Variants in PDGFRL observed in about 807,000 individuals in gnomAD.
PDGFRL encodes the protein platelet-derived growth factor receptor-like protein.
A neutral mutation model predicts 37.2 loss-of-function variants in PDGFRL; 46 were observed. The observed-to-expected ratio is 1.24, with a 90% CI of 0.98 to 1.58. The LOEUF is 1.58. PDGFRL is among the 40% of genes most tolerant of loss of function. The probability of loss-of-function intolerance (pLI) is 0.00; values close to 1 mark genes in which losing one functional copy is unlikely to be tolerated. For missense variants in PDGFRL, 692 were observed against 467.6 expected (o/e 1.48, Z -4.43); for synonymous variants, 251 against 184.3 (o/e 1.36, Z -2.93).
chr8:17,627,989 CTTTT>C (rs35707610), intron 3 of PDGFRL, among the ~76,000 whole-genome samples: 3 of 89,250 alleles, frequency 3.4e-5, no homozygotes, highest in African/African-American at 5.4e-5. Context: ...TTCTTTCTTT[CTTTT>C]TTTTTTTTTT....
intron 2 of PDGFRL, among the ~76,000 whole-genome samples, chr8:17,596,754 C>T (rs776227177): frequency 7.0e-6 from 1 of 143,202 alleles, no homozygotes. Flanking sequence ...ACTTATGAAA[C>T]ATTGTGAAAA....
At position 17,617,398 on chromosome 8, in the gene PDGFRL, G is replaced by A. The variant is rs372248583; in HGVS notation, c.354-3653G>A. Among the ~76,000 whole-genome samples the A allele has an allele frequency of 3.3e-5, 5 of 152,252 alleles. No homozygotes were observed. In the East Asian group the frequency reaches 7.7e-4, roughly 24 times the overall value. On this transcript the variant is annotated intron_variant, in intron 2 of 5. Transcript: ENST00000251630. ...GCCACTTTCTCCATCCCTGGGGATG[G>A]TGTTCAGCGGTTACACAGAAAGGAA...
intron 2 of PDGFRL, among the ~76,000 whole-genome samples, chr8:17,599,618 C>A (rs1236183830): frequency 6.6e-6 from 1 of 152,188 alleles, no homozygotes; most frequent in Non-Finnish European, 1.5e-5. Flanking sequence ...CGCCACGTGG[C>A]CGTGGCTGCC....
intron 2 of PDGFRL, among the ~76,000 whole-genome samples, chr8:17,614,516 C>T (rs1192843853): frequency 6.6e-6 from 1 of 152,198 alleles, no homozygotes; most frequent in Non-Finnish European, 1.5e-5. Context: ...CAGTTCCTTG[C>T]ATGTGGTAGA....
At chr8:17,628,293 C>T (rs569863321) in intron 3 of PDGFRL, among the ~76,000 whole-genome samples, 194 bp from the exon 4 acceptor site, 2 of 152,244 alleles carry the variant, frequency 1.3e-5, no homozygotes, top group African/African-American at 4.8e-5. Flanking sequence ...CGCGCCCAGC[C>T]TTCTGTTTTC....
At chr8:17,597,071 C>A (rs138467783) in intron 2 of PDGFRL, among the ~76,000 whole-genome samples, 1 of 152,078 alleles carries the variant, frequency 6.6e-6, no homozygotes, top group Non-Finnish European at 1.5e-5. Context: ...CCTAGGTTGG[C>A]GTGCAGTGGC....
intron 5 of PDGFRL, among the ~76,000 whole-genome samples, chr8:17,640,111 T>G (rs1465678018): frequency 6.6e-6 from 1 of 152,232 alleles, no homozygotes; most frequent in Non-Finnish European, 1.5e-5. Flanking sequence ...CTAAGTGTGT[T>G]CTTCATTTCC....
rs189465662 is a variant in PDGFRL, at chr8:17,610,701, G to A, written c.354-10350G>A. On this transcript the variant is annotated intron_variant, in intron 2 of 5. Coordinates refer to ENST00000251630, the MANE Select transcript of PDGFRL (RefSeq NM_001372073.1). ...CAAGGTGGCAGGATCCCTTGAGCTC[G>A]GGAGCTAAAGAGCAGCCTGGCCAGT... is the stretch of plus-strand genomic sequence containing the variant. Among the ~76,000 whole-genome samples, 761 of 152,232 alleles carry A rather than the reference G, an allele frequency of 5.0e-3. 12 individuals carry two copies. Among genetic ancestry groups the A allele is most frequent in the African/African-American group, 0.017 (702 of 41,548 alleles).
chr8:17,635,841 T>C (rs1355090733), intron 5 of PDGFRL, among the ~76,000 whole-genome samples: 1 of 152,216 alleles, frequency 6.6e-6, no homozygotes, highest in Non-Finnish European at 1.5e-5. Context: ...TGGTATCACA[T>C]TGTGGTTTTG....
chr8:17,617,259 T>C (rs1227846338), intron 2 of PDGFRL, among the ~76,000 whole-genome samples: 1 of 152,216 alleles, frequency 6.6e-6, no homozygotes, highest in African/African-American at 2.4e-5. Context: ...CAAGCTGATG[T>C]GTTGGCGTGT....
chr8:17,604,392 A>C (rs1164817175), intron 2 of PDGFRL, among the ~76,000 whole-genome samples: 2 of 152,230 alleles, frequency 1.3e-5, no homozygotes, highest in Non-Finnish European at 2.9e-5. Context: ...ACACCATGGA[A>C]TACTATGCAG....
rs373882614 is a variant in PDGFRL, at chr8:17,620,110, C to T, written c.354-941C>T. Among the ~76,000 whole-genome samples the T allele has an allele frequency of 1.6e-4, 24 of 152,218 alleles. 1 individual carries two copies. In the South Asian group the frequency reaches 2.3e-3, roughly 14 times the overall value. On this transcript the variant is annotated intron_variant, in intron 2 of 5. Transcript: ENST00000251630. ...ACCAAGTAGCTAGGACTACAGGAGT[C>T]AGCCATCATGCCAGGCTCATTGTTT...
chr8:17,596,323 G>T, intron 2 of PDGFRL: 1 of 1,232,266 alleles, frequency 8.1e-7, no homozygotes, highest in Non-Finnish European at 1.0e-6. Context: ...AGGCACATGG[G>T]CTGCACGTAA....
Position 17,642,947 on chromosome 8 carries a change from C to T in PDGFRL, c.*146C>T, listed in dbSNP as rs1032099468. 20 of 590,380 alleles carry T rather than the reference C, an allele frequency of 3.4e-5. No homozygotes were observed. Among genetic ancestry groups the T allele is most frequent in the Admixed American group, 6.8e-5 (2 of 29,236 alleles). The allele number at this position is 590,380 out of a possible 1,614,324, so 36.6% of individuals were successfully genotyped here. On this transcript the variant is annotated 3_prime_UTR_variant, in exon 6 of 6. Coordinates refer to ENST00000251630, the MANE Select transcript of PDGFRL (RefSeq NM_001372073.1). ...CGTCTCGTGAGTCCGACCCAGACATCCAAACTAAAAGGAAGTCATCCAGTC... is the reference window on the plus strand; with the variant it reads ...CGTCTCGTGAGTCCGACCCAGACATTCAAACTAAAAGGAAGTCATCCAGTC...
chr8:17,582,344 C>A (rs1202485395), intron 1 of PDGFRL, among the ~76,000 whole-genome samples: 1 of 152,030 alleles, frequency 6.6e-6, no homozygotes, highest in Non-Finnish European at 1.5e-5. Context: ...AATCCCAGCA[C>A]TTTGGGAGGC....
chr8:17,597,073 TGCAG>T (rs1804069649), intron 2 of PDGFRL, among the ~76,000 whole-genome samples: 1 of 152,238 alleles, frequency 6.6e-6, no homozygotes, highest in Non-Finnish European at 1.5e-5. Flanking sequence ...TAGGTTGGCG[TGCAG>T]TGGCACGATC....
intron 2 of PDGFRL, among the ~76,000 whole-genome samples, chr8:17,613,693 C>T (rs151053020): frequency 4.6e-5 from 7 of 152,200 alleles, no homozygotes; most frequent in Admixed American, 2.6e-4. Flanking sequence ...GCCTGGGCAA[C>T]GTAGGAAGCC....
chr8:17,609,628 A>C (rs1804361052), intron 2 of PDGFRL, among the ~76,000 whole-genome samples: 1 of 92,612 alleles, frequency 1.1e-5, no homozygotes, highest in African/African-American at 4.3e-5. Context: ...ACAGAGTGAG[A>C]CTCTGTAAAA....
At chr8:17,608,424 C>T (rs1480265172) in intron 2 of PDGFRL, among the ~76,000 whole-genome samples, 3 of 152,138 alleles carry the variant, frequency 2.0e-5, no homozygotes, top group African/African-American at 7.2e-5. Flanking sequence ...CAATGTTGAA[C>T]GTGCCCTCAT....
Sources: gnomAD v4.1 joint callset for allele counts (sites outside exome capture counted in the v4.1 genomes callset) on GRCh38, gnomAD v4.1.1 for gene constraint, MANE v1.5 for transcripts, NCBI Gene and HGNC (gene_info 2026-07-23, HGNC 2026-07-21) for gene names.